The following SARM1 variants were observed in gnomAD, a reference collection of about 807,000 sequenced individuals.
SARM1 encodes NAD(+) hydrolase SARM1.
Under a neutral mutation model 65.1 loss-of-function variants are expected in SARM1, and 60 were observed. That is an observed-to-expected ratio of 0.92 (90% CI 0.75 to 1.14). The LOEUF is 1.14. Ranked by LOEUF, SARM1 falls within the 50% of genes most tolerant of loss-of-function variation. The pLI is 0.00. For synonymous variants in SARM1, 417 were observed against 465.4 expected (o/e 0.90, Z 1.34); for missense variants, 913 against 1,015.7 (o/e 0.90, Z 1.37).
At position 28,372,599 on chromosome 17, in the gene SARM1, C is replaced by T; in HGVS notation, c.470+97C>T. 3 of 904,098 alleles carry T rather than the reference C, an allele frequency of 3.3e-6. No homozygotes were observed. The highest frequency in any genetic ancestry group is 1.8e-5 in the South Asian group (1 of 57,064). 56.0% of individuals were successfully genotyped at this position (904,098 alleles called of 1,614,324 possible). ...CCTTGCGCCGTGCCTTTGCCTCCCT[C>T]ACCTCTCTGACTGCCTGCACTACAT... On this transcript the variant is annotated intron_variant, in intron 1 of 8. Transcript: ENST00000585482. The surrounding 1 kb of genome is among the most constrained non-coding windows in gnomAD (Gnocchi z 5.2).
chr17:28,381,609 C>G lies in SARM1; in HGVS notation c.877C>G (p.Leu293Val). ...GCGCGAGGTGGAGCGCTCGGGCACGCTGGCGCTCGTGGAGCCGCTTGTGGC... is the reference window on the plus strand; with the variant it reads ...GCGCGAGGTGGAGCGCTCGGGCACGGTGGCGCTCGTGGAGCCGCTTGTGGC... ...VEREVERSGT[L>V]ALVEPLVASL... Residue 293 changes from leucine (L) to valine (V), a missense_variant, in exon 2 of 9, where the codon CTG becomes GTG. This residue lies in a region of SARM1 where 862 missense variants were observed against 952.1 expected (regional missense o/e 0.91). Transcript: ENST00000585482. 1 of 1,582,674 alleles carries G rather than the reference C, an allele frequency of 6.3e-7. No individual in the cohort carries two copies. The highest frequency in any genetic ancestry group is 8.6e-7 in the Non-Finnish European group (1 of 1,165,540).
At position 28,372,622 on chromosome 17, in the gene SARM1, C is replaced by T; in HGVS notation, c.470+120C>T. 1 of 718,886 alleles carries T rather than the reference C, an allele frequency of 1.4e-6. No homozygotes were observed. Among genetic ancestry groups the T allele is most frequent in the Non-Finnish European group, 2.2e-6 (1 of 458,850 alleles). 44.5% of individuals were successfully genotyped at this position (718,886 alleles called of 1,614,324 possible). ...CTCACCTCTCTGACTGCCTGCACTA[C>T]ATCTCTGTTAGGGGTCAGCCTGTCT... On this transcript the variant is annotated intron_variant, in intron 1 of 8. Coordinates refer to ENST00000585482, the MANE Select transcript of SARM1 (RefSeq NM_015077.4). This position sits in a 1 kb window ranked among gnomAD's most constrained non-coding sequence, Gnocchi z 5.2.
In SARM1 at chr17:28,400,471, G is replaced by A; in HGVS notation, c.*4185G>A. 8.5e-7 allele frequency: 1 copy of A among 1,180,666 alleles called. No homozygotes were observed. The highest frequency in any genetic ancestry group is 1.2e-6 in the Non-Finnish European group (1 of 853,776). The allele number at this position is 1,180,666 out of a possible 1,614,324, so 73.1% of individuals were successfully genotyped here. On this transcript the variant is annotated 3_prime_UTR_variant, in exon 9 of 9. Transcript: ENST00000585482. Reference sequence around the variant, plus strand: ...TGGAGGATTAGGCAGCCATCTGCAAGGAGAGGGGCAACCTGGGACAAGACA... The same window carrying A: ...TGGAGGATTAGGCAGCCATCTGCAAAGAGAGGGGCAACCTGGGACAAGACA...
At position 28,381,421 on chromosome 17, in the gene SARM1, T is replaced by C; in HGVS notation, c.689T>C (p.Leu230Pro). ...PALLRHCALA[L>P]GNCALHGGQA... is the part of the protein sequence containing the mutation. ...CTGCTGCGCCACTGCGCGCTGGCGC[T>C]GGGCAACTGCGCGCTGCACGGGGGC... Residue 230 changes from leucine (L) to proline (P), a missense_variant, in exon 2 of 9, where the codon CTG becomes CCG. Physicochemically the swap from Leu to Pro is moderately conservative, Grantham distance 98. This residue lies in a region of SARM1 where 862 missense variants were observed against 952.1 expected (regional missense o/e 0.91). Coordinates refer to ENST00000585482, the MANE Select transcript of SARM1 (RefSeq NM_015077.4). The C allele has an allele frequency of 2.6e-6, 4 of 1,545,268 alleles. No individual in the cohort carries two copies. The highest frequency in any genetic ancestry group is 3.5e-6 in the Non-Finnish European group (4 of 1,145,444).
chr17:28,382,517 CA>C (rs1200817197), intron 2 of SARM1, among the ~76,000 whole-genome samples: 1 of 152,080 alleles, frequency 6.6e-6, no homozygotes, highest in African/African-American at 2.4e-5. Context: ...ATCGGAGTCC[CA>C]AGGGGTCCTC....
At position 28,398,150 on chromosome 17, in the gene SARM1, G is replaced by C. The variant is rs562847087; in HGVS notation, c.*1864G>C. On this transcript the variant is annotated 3_prime_UTR_variant, in exon 9 of 9. Coordinates refer to ENST00000585482, the MANE Select transcript of SARM1 (RefSeq NM_015077.4). ...AGGACAGCGCCAATAACAATACAGT[G>C]TCTGAGTATCTCCAGGGGATGATTT... The C allele has an allele frequency of 6.6e-6, 1 of 152,484 alleles. No individual in the cohort carries two copies. Among genetic ancestry groups the C allele is most frequent in the East Asian group, 1.9e-4 (1 of 5,186 alleles). 9.4% of individuals were successfully genotyped at this position (152,484 alleles called of 1,614,324 possible). A position where few individuals can be genotyped will look rare whatever the true frequency, so the allele number is the denominator to read the frequency against.
chr17:28,402,190 G>C lies in SARM1; in HGVS notation c.*5904G>C. ...ATGGCTGCCCATCAGCCCGTTTCGG[G>C]CAGCACTGGACATGAGGAACCAGAC... is the stretch of plus-strand genomic sequence containing the variant. On this transcript the variant is annotated 3_prime_UTR_variant, in exon 9 of 9. Coordinates refer to ENST00000585482, the MANE Select transcript of SARM1 (RefSeq NM_015077.4). 1.3e-6 allele frequency: 2 copies of C among 1,536,028 alleles called. No homozygotes were observed. Among genetic ancestry groups the C allele is most frequent in the Non-Finnish European group, 1.8e-6 (2 of 1,123,102 alleles).
chr17:28,387,541 C>T (rs2068058237), intron 5 of SARM1, among the ~76,000 whole-genome samples: 1 of 152,116 alleles, frequency 6.6e-6, no homozygotes, highest in African/African-American at 2.4e-5. Flanking sequence ...GCAATTCTAG[C>T]TGGGTTTGGG....
Position 28,399,596 on chromosome 17 carries a change from C to A in SARM1, c.*3310C>A, listed in dbSNP as rs41297121. The A allele has an allele frequency of 8.1e-5, 127 of 1,571,174 alleles. 2 individuals are homozygous for A. The Admixed American group carries it at 2.0e-3, about 25-fold the overall frequency. On this transcript the variant is annotated 3_prime_UTR_variant, in exon 9 of 9. Transcript: ENST00000585482. Reference sequence around the variant, plus strand: ...TGTGGGCTGGGCTTCCAGCTGCAGACCTCCAGTTGCTTGGTGTTCACTTTG... The same window carrying A: ...TGTGGGCTGGGCTTCCAGCTGCAGAACTCCAGTTGCTTGGTGTTCACTTTG...
At chr17:28,376,443 C>T (rs1027414990) in intron 1 of SARM1, among the ~76,000 whole-genome samples, 1 of 139,842 alleles carries the variant, frequency 7.2e-6, no homozygotes, top group Admixed American at 7.2e-5. Flanking sequence ...TGTGGTTGTA[C>T]ATGTCTGTAA....
rs536856184 is a variant in SARM1, at chr17:28,388,911, C to T, written c.1923+372C>T. Reference sequence around the variant, plus strand: ...TCAGCCTCCCGAGTAGCTGGGACTACAGGTGCCCGCCACCACGGCTGGCTA... The same window carrying T: ...TCAGCCTCCCGAGTAGCTGGGACTATAGGTGCCCGCCACCACGGCTGGCTA... On this transcript the variant is annotated intron_variant, in intron 7 of 8. Transcript: ENST00000585482. Among the ~76,000 whole-genome samples the T allele has an allele frequency of 8.7e-4, 133 of 152,068 alleles. 2 individuals carry two copies. Among genetic ancestry groups the T allele is most frequent in the African/African-American group, 3.1e-3 (129 of 41,468 alleles).
Position 28,381,823 on chromosome 17 carries a change from T to C in SARM1, c.1089+2T>C, listed in dbSNP as rs938945529. The C allele has an allele frequency of 7.0e-7, 1 of 1,437,680 alleles. No individual in the cohort carries two copies. Among genetic ancestry groups the C allele is most frequent in the Admixed American group, 3.0e-5 (1 of 33,602 alleles). The allele number at this position is 1,437,680 out of a possible 1,614,324, so 89.1% of individuals were successfully genotyped here. The stretch of plus-strand genomic sequence containing the variant: ...AAGAGCCTGCAAGGCAAGACCAAGG[T>C]GGGTGCAGATGTGGGGTTGGGTGGA... On this transcript the variant is annotated splice_donor_variant, in intron 2 of 8. Coordinates refer to ENST00000585482, the MANE Select transcript of SARM1 (RefSeq NM_015077.4). LOFTEE classifies it high-confidence loss of function.
chr17:28,386,495 C>T (rs1206587310), intron 5 of SARM1: 1 of 151,640 alleles, frequency 6.6e-6, no homozygotes, highest in Non-Finnish European at 1.5e-5. Flanking sequence ...GATGGCAAAA[C>T]TGGGACTTGA....
In SARM1 at chr17:28,400,886, C is replaced by T. The variant is rs2068188961; in HGVS notation, c.*4600C>T. On this transcript the variant is annotated 3_prime_UTR_variant, in exon 9 of 9. Coordinates refer to ENST00000585482, the MANE Select transcript of SARM1 (RefSeq NM_015077.4). ...CTTAACCTATGTCTCCCCTTCCTCA[C>T]CAGTAAATCCTGCTACATCATGTAC... 1.2e-6 allele frequency: 1 copy of T among 850,126 alleles called. No homozygotes were observed. The highest frequency in any genetic ancestry group is 1.7e-5 in the African/African-American group (1 of 59,918). 52.7% of individuals were successfully genotyped at this position (850,126 alleles called of 1,614,324 possible).
In SARM1 at chr17:28,372,088, C is replaced by G. The variant is rs2067958808; in HGVS notation, c.56C>G (p.Ser19Trp). 4.0e-6 allele frequency: 6 copies of G among 1,493,856 alleles called. No homozygotes were observed. Among genetic ancestry groups the G allele is most frequent in the Non-Finnish European group, 5.3e-6 (6 of 1,128,200 alleles). The allele number at this position is 1,493,856 out of a possible 1,614,324, so 92.5% of individuals were successfully genotyped here. Residue 19 changes from serine to tryptophan, a missense_variant, in exon 1 of 9, where the codon TCG becomes TGG. Coordinates refer to ENST00000585482, the MANE Select transcript of SARM1 (RefSeq NM_015077.4). This position sits in a 1 kb window ranked among gnomAD's most constrained non-coding sequence, Gnocchi z 5.2. ...AYKLCRFFAM[S>W]GPRPGAERLA... ...AAGCTGTGTCGCTTCTTCGCCATGT[C>G]GGGCCCACGGCCGGGCGCCGAGCGG...
rs373458416 is a variant in SARM1, at chr17:28,381,754, C to T, written c.1022C>T (p.Ala341Val). The T allele has an allele frequency of 1.2e-4, 183 of 1,497,814 alleles. No homozygotes were observed. The highest frequency in any genetic ancestry group is 1.5e-4 in the Non-Finnish European group (174 of 1,123,750). 92.8% of individuals were successfully genotyped at this position (1,497,814 alleles called of 1,614,324 possible). A position where few individuals can be genotyped will look rare whatever the true frequency, so the allele number is the denominator to read the frequency against. ...VPLLDSNRLE[A>V]QCIGAFYLCA... ...TTGCTCGACTCTAACCGCTTGGAGG[C>T]GCAGTGCATCGGGGCTTTCTACCTC... Residue 341 changes from alanine (A) to valine (V), a missense_variant, in exon 2 of 9, where the codon GCG becomes GTG. Around this residue, in one of 3 missense-constraint regions of SARM1, gnomAD observed 862 missense variants for 952.1 expected, o/e 0.91. Coordinates refer to ENST00000585482, the MANE Select transcript of SARM1 (RefSeq NM_015077.4).
chr17:28,390,253 G>A (rs2068073512), intron 7 of SARM1, among the ~76,000 whole-genome samples: 1 of 152,186 alleles, frequency 6.6e-6, no homozygotes, highest in Admixed American at 6.5e-5. Flanking sequence ...GAAAGGGAAT[G>A]TTTAGGTTAA....
chr17:28,399,669 G>C lies in SARM1; in HGVS notation c.*3383G>C. On this transcript the variant is annotated 3_prime_UTR_variant, in exon 9 of 9. Coordinates refer to ENST00000585482, the MANE Select transcript of SARM1 (RefSeq NM_015077.4). ...GGTCCAGGCAGATCAGGGGCTCTGG[G>C]GAAACTGCTGGAACTCGAGGTGAGG... The C allele has an allele frequency of 6.2e-7, 1 of 1,613,988 alleles. No homozygotes were observed. Among genetic ancestry groups the C allele is most frequent in the Non-Finnish European group, 8.5e-7 (1 of 1,179,888 alleles).
Position 28,372,006 on chromosome 17 carries a change from G to C in SARM1, c.-27G>C, listed in dbSNP as rs2067957545. On this transcript the variant is annotated 5_prime_UTR_variant, in exon 1 of 9. Coordinates refer to ENST00000585482, the MANE Select transcript of SARM1 (RefSeq NM_015077.4). This position sits in a 1 kb window ranked among gnomAD's most constrained non-coding sequence, Gnocchi z 5.2. ...CTCCGCGTGGCCCCGCCTCCAGGCCGGGGATGTCCCCCGCGGCCCCGCGCC... is the reference window on the plus strand; with the variant it reads ...CTCCGCGTGGCCCCGCCTCCAGGCCCGGGATGTCCCCCGCGGCCCCGCGCC... The C allele has an allele frequency of 1.4e-6, 2 of 1,445,240 alleles. No homozygotes were observed. Among genetic ancestry groups the C allele is most frequent in the Non-Finnish European group, 1.8e-6 (2 of 1,103,370 alleles). The allele number at this position is 1,445,240 out of a possible 1,614,324, so 89.5% of individuals were successfully genotyped here.
Sources: allele counts gnomAD v4.1 joint callset (sites outside exome capture counted in the v4.1 genomes callset), GRCh38; gene constraint gnomAD v4.1.1; regional missense constraint gnomAD v4.1.1; non-coding constraint Gnocchi (gnomAD v3.1); transcripts MANE v1.5; gene names NCBI Gene and HGNC (gene_info 2026-07-23, HGNC 2026-07-21).